Variants in GOLGA8K observed in about 807,000 individuals in gnomAD.
The protein encoded by GOLGA8K is golgin A8 family member K.
In GOLGA8K, 12 loss-of-function variants were observed where a neutral mutation model predicts 75.2. The ratio of observed to expected loss-of-function variants is 0.16; its 90% confidence interval spans 0.10 to 0.26. The LOEUF (loss-of-function observed/expected upper bound fraction) is 0.26. Ranked by LOEUF, GOLGA8K falls within the 10% of genes least tolerant of loss-of-function variation. GOLGA8K has a pLI of 1.00. For missense variants in GOLGA8K, 109 were observed against 640.8 expected, an observed-to-expected ratio of 0.17 and a Z score of 8.96; for synonymous variants, 48 against 236.6, an observed-to-expected ratio of 0.20 and a Z score of 7.32.
At chr15:32,393,437 G>A in intron 16 of GOLGA8K, 36 bp downstream of exon 16, 1 of 1,101,352 alleles carries the variant, frequency 9.1e-7, no homozygotes. Flanking sequence ...CGACGGCCCT[G>A]TAGCTCCCCC....
chr15:32,398,235 G>T (rs1469080519), intron 8 of GOLGA8K, among the ~76,000 whole-genome samples: 4 of 144,290 alleles, frequency 2.8e-5, no homozygotes, highest in Non-Finnish European at 4.6e-5. Context: ...ACATACTAAA[G>T]GTACTCTTCT....
At chr15:32,398,197 C>G (rs960597549) in intron 8 of GOLGA8K, among the ~76,000 whole-genome samples, 3 of 144,746 alleles carry the variant, frequency 2.1e-5, no homozygotes, top group African/African-American at 7.7e-5. Flanking sequence ...CACACATGCA[C>G]GCGTTTCCTC....
chr15:32,398,477 C>T, intron 8 of GOLGA8K, 83 bp downstream of exon 8: 1 of 585,372 alleles, frequency 1.7e-6, no homozygotes, highest in Non-Finnish European at 3.0e-6. Flanking sequence ...CAGGACACTC[C>T]ATCCTGCAGA....
chr15:32,395,924 GC>G, intron 13 of GOLGA8K, 38 bp downstream of exon 13: 1 of 1,480,858 alleles, frequency 6.8e-7, no homozygotes. Context: ...CCGCCTCCCA[GC>G]CCTTCTTGGA....
chr15:32,393,485 T>TCCACCCATCACC lies in GOLGA8K; in HGVS notation c.1450_1451insGGTGATGGGTGG (p.Arg483_Asp484insGlyTer), dbSNP rs2054562762. ...GCCTCCCACTCACTGATGGCGTCTGTCTCGCCAGTGGTGGATGAAGCAGAG... is the reference window on the plus strand; with the variant it reads ...GCCTCCCACTCACTGATGGCGTCTGTCCACCCATCACCCTCGCCAGTGGTGGATGAAGCAGAG... On this transcript the variant is annotated stop_gained, in exon 16 of 19. Transcript: ENST00000512626. LOFTEE classifies it high-confidence loss of function. 2 of 1,149,372 alleles carry TCCACCCATCACC rather than the reference T, an allele frequency of 1.7e-6. No homozygotes were observed. The highest frequency in any genetic ancestry group is 2.3e-6 in the Non-Finnish European group (2 of 867,786). 71.2% of individuals were successfully genotyped at this position (1,149,372 alleles called of 1,614,324 possible).
intron 11 of GOLGA8K, among the ~76,000 whole-genome samples, 163 bp downstream of exon 11, chr15:32,396,757 A>T (rs1299316050): frequency 1.8e-4 from 26 of 143,474 alleles, no homozygotes; most frequent in Non-Finnish European, 2.1e-4. Flanking sequence ...ACACTGAGAC[A>T]CTGAGACTCA....
intron 8 of GOLGA8K, 150 bp from the exon 9 acceptor site, chr15:32,397,653 C>A: frequency 8.9e-7 from 1 of 1,129,934 alleles, no homozygotes; most frequent in Non-Finnish European, 1.3e-6. Flanking sequence ...TTTAAAAGAA[C>A]ACAGTAAAGT....
chr15:32,395,560 T>G (rs1368569614), intron 13 of GOLGA8K, among the ~76,000 whole-genome samples: 1 of 148,180 alleles, frequency 6.7e-6, no homozygotes, highest in African/African-American at 2.4e-5. Flanking sequence ...TTTTTTTTTT[T>G]TTGTAATTTT....
Position 32,396,420 on chromosome 15 carries a change from C to A in GOLGA8K, c.998G>T (p.Ser333Ile). The change falls in exon 12 of 19, where the codon AGT becomes ATT. Residue 333 changes from serine (S) to isoleucine (I), a missense_variant. Transcript: ENST00000512626. Reference sequence around the variant, plus strand: ...CTCTTCTTGTCGCTGGTTCAGGAGACTTATGCGCTGATTCTTTTTGACCTG... The same window carrying A: ...CTCTTCTTGTCGCTGGTTCAGGAGAATTATGCGCTGATTCTTTTTGACCTG... Reference protein sequence around the residue: ...QAQVKKNQRISLLNQRQEERI... With the variant: ...QAQVKKNQRIILLNQRQEERI... The A allele has an allele frequency of 6.9e-7, 1 of 1,440,504 alleles. No homozygotes were observed. Among genetic ancestry groups the A allele is most frequent in the Non-Finnish European group, 9.3e-7 (1 of 1,069,942 alleles). The allele number at this position is 1,440,504 out of a possible 1,614,324, so 89.2% of individuals were successfully genotyped here.
chr15:32,397,650 G>A (rs1387067312), intron 8 of GOLGA8K, 147 bp from the exon 9 acceptor site: 3 of 1,153,596 alleles, frequency 2.6e-6, no homozygotes, highest in East Asian at 5.1e-5. Flanking sequence ...GTTTTTAAAA[G>A]AACACAGTAA....
chr15:32,394,255 G>T, intron 14 of GOLGA8K, 22 bp from the exon 15 acceptor site: 4 of 1,506,460 alleles, frequency 2.7e-6, no homozygotes, highest in Non-Finnish European at 3.6e-6. Flanking sequence ...GGCCAGAGGG[G>T]TCTTCAGACA....
intron 13 of GOLGA8K, 125 bp downstream of exon 13, chr15:32,395,838 G>A (rs202245038): frequency 6.7e-7 from 1 of 1,497,976 alleles, no homozygotes; most frequent in Non-Finnish European, 9.0e-7. Context: ...GACTGCCCTG[G>A]GGGGTGCTGT....
Position 32,393,401 on chromosome 15 carries a change from A to T in GOLGA8K, c.1464-11T>A, listed in dbSNP as rs1235867052. On this transcript the variant is annotated splice_polypyrimidine_tract_variant and intron_variant, in intron 16 of 18. Coordinates refer to ENST00000512626, the MANE Select transcript of GOLGA8K (RefSeq NM_001282493.2). ...AGGTGATGGGTTTTCCTGCGGGAGG[A>T]CAGGGCTCAGACGCTGGGGCCCCTC... 1 of 1,052,286 alleles carries T rather than the reference A, an allele frequency of 9.5e-7. No individual in the cohort carries two copies. The highest frequency in any genetic ancestry group is 1.3e-6 in the Non-Finnish European group (1 of 788,864). The allele number at this position is 1,052,286 out of a possible 1,614,324, so 65.2% of individuals were successfully genotyped here. A position where few individuals can be genotyped will look rare whatever the true frequency, so the allele number is the denominator to read the frequency against.
chr15:32,397,391 C>T, intron 9 of GOLGA8K, 26 bp downstream of exon 9: 2 of 1,156,738 alleles, frequency 1.7e-6, no homozygotes, highest in African/African-American at 1.6e-5. Flanking sequence ...ATCTTCCTTC[C>T]ACATAACTCC....
intron 13 of GOLGA8K, among the ~76,000 whole-genome samples, chr15:32,395,437 T>C (rs1330601156): frequency 2.8e-5 from 4 of 141,556 alleles, no homozygotes; most frequent in African/African-American, 7.5e-5. Flanking sequence ...TGGAGTGCAG[T>C]GGTGCAATCT....
Position 32,392,699 on chromosome 15 carries a change from A to C in GOLGA8K, c.*83T>G. 3.0e-6 allele frequency: 2 copies of C among 661,038 alleles called. No individual in the cohort carries two copies. Among genetic ancestry groups the C allele is most frequent in the Non-Finnish European group, 4.8e-6 (2 of 416,382 alleles). The allele number at this position is 661,038 out of a possible 1,614,324, so 40.9% of individuals were successfully genotyped here. ...AGTGAGTCTAACATTCAAAGGAAGT[A>C]AATGAATTGTGTAGGAGATTAACCC... is the stretch of plus-strand genomic sequence containing the variant. On this transcript the variant is annotated 3_prime_UTR_variant, in exon 19 of 19. Transcript: ENST00000512626.
chr15:32,395,622 C>T lies in GOLGA8K; in HGVS notation c.1200+341G>A, dbSNP rs1425204821. On this transcript the variant is annotated intron_variant, in intron 13 of 18. Transcript: ENST00000512626. ...GCCAGGCTGATCCCAAACTCCCGACCTCAAGTGATTCTCCTGCCTCAGCCT... is the reference window on the plus strand; with the variant it reads ...GCCAGGCTGATCCCAAACTCCCGACTTCAAGTGATTCTCCTGCCTCAGCCT... Among the ~76,000 whole-genome samples the T allele has an allele frequency of 2.1e-5, 3 of 145,910 alleles. No individual in the cohort carries two copies. The Admixed American group carries it at 2.1e-4, about 10-fold the overall frequency.
chr15:32,401,132 G>C (rs1299039242), intron 2 of GOLGA8K, among the ~76,000 whole-genome samples: 6 of 136,996 alleles, frequency 4.4e-5, no homozygotes, highest in Admixed American at 7.3e-5. Flanking sequence ...ATTTTTAGTA[G>C]AGACAGGGTT....
chr15:32,389,995 A>AT lies in GOLGA8K; in HGVS notation c.*2786dup, dbSNP rs200888779. Among the ~76,000 whole-genome samples, 41,330 of 68,274 alleles carry AT rather than the reference A, an allele frequency of 0.61. 13,692 individuals carry two copies. The highest frequency in any genetic ancestry group is 0.75 in the South Asian group (1,251 of 1,666). The allele number at this position is 68,274 out of a possible 152,430, so 44.8% of individuals were successfully genotyped here. ...AAAATCAGCTTTGGTTTTAGAGCTG[A>AT]TTTTTTTTTTCATTTCTGGAAAATT... On this transcript the variant is annotated 3_prime_UTR_variant, in exon 19 of 19. Coordinates refer to ENST00000512626, the MANE Select transcript of GOLGA8K (RefSeq NM_001282493.2).
Sources: allele counts gnomAD v4.1 joint callset (sites outside exome capture counted in the v4.1 genomes callset), GRCh38; gene constraint gnomAD v4.1.1; transcripts MANE v1.5; gene names NCBI Gene and HGNC (gene_info 2026-07-23, HGNC 2026-07-21).